The following EDNRB variants were observed in gnomAD, a reference collection of about 807,000 sequenced individuals.
EDNRB encodes Hirschsprung disease 2.
A neutral mutation model predicts 46.4 loss-of-function variants in EDNRB; 18 were observed. The observed-to-expected ratio is 0.39, with a 90% CI of 0.27 to 0.57. The LOEUF (loss-of-function observed/expected upper bound fraction) is 0.57, where lower values mean the gene tolerates loss of function less well. Ranked by LOEUF, EDNRB falls within the 20% of genes least tolerant of loss-of-function variation. The probability of loss-of-function intolerance (pLI) is 0.61; values close to 1 mark genes in which losing one functional copy is unlikely to be tolerated. For missense variants in EDNRB, 434 were observed against 537.5 expected (o/e 0.81, Z 1.90); for synonymous variants, 213 against 204.9 (o/e 1.04, Z -0.34).
intron 1 of EDNRB, among the ~76,000 whole-genome samples, chr13:77,972,310 C>A (rs1371776698): frequency 6.6e-6 from 1 of 152,200 alleles, no homozygotes; most frequent in African/African-American, 2.4e-5. Context: ...GTTTAACGTG[C>A]AGGCGGAATA....
chr13:77,897,300 T>A lies in EDNRB; in HGVS notation c.*900A>T, dbSNP rs1878681281. 1 of 985,114 alleles carries A rather than the reference T, an allele frequency of 1.0e-6. No homozygotes were observed. The highest frequency in any genetic ancestry group is 1.2e-6 in the Non-Finnish European group (1 of 829,862). The allele number at this position is 985,114 out of a possible 1,614,324, so 61.0% of individuals were successfully genotyped here. ...AAACCAAACAGAGTTTAAGCTACGA[T>A]AGTGAAAGAAGAAGATTTTAATAAT... is the stretch of plus-strand genomic sequence containing the variant. On this transcript the variant is annotated 3_prime_UTR_variant, in exon 7 of 7. Coordinates refer to ENST00000646607, the MANE Select transcript of EDNRB (RefSeq NM_001122659.3).
intron 1 of EDNRB, among the ~76,000 whole-genome samples, chr13:77,909,218 A>G (rs547589830): frequency 6.0e-4 from 91 of 152,216 alleles, no homozygotes; most frequent in African/African-American, 2.1e-3. Flanking sequence ...TGCTTGAGAA[A>G]GAAACAAGGC....
At chr13:77,949,785 A>G (rs560601517) in intron 1 of EDNRB, among the ~76,000 whole-genome samples, 2 of 152,204 alleles carry the variant, frequency 1.3e-5, no homozygotes, top group Non-Finnish European at 2.9e-5. Context: ...GTAATCCCAC[A>G]AAGCACAGGA....
chr13:77,948,074 C>G (rs1005174979), intron 1 of EDNRB, among the ~76,000 whole-genome samples: 5 of 152,036 alleles, frequency 3.3e-5, no homozygotes, highest in African/African-American at 1.2e-4. Flanking sequence ...CTTAATGGTG[C>G]CTTACAAGTC....
intron 1 of EDNRB, among the ~76,000 whole-genome samples, chr13:77,968,444 A>G (rs1308923440): frequency 6.6e-6 from 1 of 152,296 alleles, no homozygotes; most frequent in Non-Finnish European, 1.5e-5. Flanking sequence ...ATAAAATAAA[A>G]ATTTAGCAAA....
rs747813758 is a variant in EDNRB at position 77,898,251 on chromosome 13, A to G, written c.1278T>C (p.Asn426=). ...EKQSCLKFKA[N]DHGYDNFRSS... is the part of the protein sequence containing the mutation. ...AACGGAAGTTGTCATATCCGTGATC[A>G]TTAGCTTTGAACTTTAAGCACGACT... Residue 426 remains asparagine, a synonymous_variant, in exon 7 of 7, where the codon AAT becomes AAC. Transcript: ENST00000646607. The G allele has an allele frequency of 4.3e-6, 7 of 1,612,048 alleles. No individual in the cohort carries two copies. In the East Asian group the frequency reaches 1.3e-4, roughly 31 times the overall value.
chr13:77,919,080 C>T (rs181485871), upstream of EDNRB: 162 of 490,760 alleles, frequency 3.3e-4, no homozygotes, highest in African/African-American at 2.8e-3. Flanking sequence ...CGATTGAACT[C>T]GAAAGACTCC....
chr13:77,947,631 G>A (rs1880967687), intron 1 of EDNRB: 1 of 151,938 alleles, frequency 6.6e-6, no homozygotes, highest in African/African-American at 2.4e-5. Context: ...ATCTCCTGGG[G>A]GCTCACCATA....
At chr13:77,952,233 C>G (rs1881113252) in intron 1 of EDNRB, among the ~76,000 whole-genome samples, 1 of 152,112 alleles carries the variant, frequency 6.6e-6, no homozygotes, top group Non-Finnish European at 1.5e-5. Flanking sequence ...AATGCATCCA[C>G]CCTGGCTACA....
upstream of EDNRB, chr13:77,920,068 C>G (rs1442495389): frequency 6.3e-6 from 1 of 158,510 alleles, no homozygotes; most frequent in African/African-American, 2.4e-5. Context: ...CTCACTGCCC[C>G]GAGAGAGGAT....
chr13:77,945,065 A>AT (rs1880864359), intron 1 of EDNRB, among the ~76,000 whole-genome samples: 1 of 152,132 alleles, frequency 6.6e-6, no homozygotes, highest in Non-Finnish European at 1.5e-5. Context: ...TGTGAACTCA[A>AT]TGCCCTTTAT....
At chr13:77,971,445 G>A (rs1054265571) in intron 1 of EDNRB, among the ~76,000 whole-genome samples, 2 of 152,146 alleles carry the variant, frequency 1.3e-5, no homozygotes, top group South Asian at 2.1e-4. Context: ...TAGTTGTTTT[G>A]AGAGATAGGC....
intron 1 of EDNRB, among the ~76,000 whole-genome samples, chr13:77,931,281 T>C (rs145825598): frequency 3.9e-5 from 6 of 152,324 alleles, no homozygotes; most frequent in African/African-American, 1.4e-4. Flanking sequence ...AAATCTGCCT[T>C]TCCTTGCATT....
chr13:77,898,455 GCT>G, intron 6 of EDNRB, 121 bp from the exon 7 acceptor site: 3 of 1,381,460 alleles, frequency 2.2e-6, no homozygotes, highest in Admixed American at 4.4e-5. Context: ...TTCTTTCAGT[GCT>G]CTTTTATTTT....
Position 77,897,655 on chromosome 13 carries a change from G to C in EDNRB, c.*545C>G. The C allele has an allele frequency of 1.0e-6, 1 of 986,666 alleles. No individual in the cohort carries two copies. The highest frequency in any genetic ancestry group is 1.2e-6 in the Non-Finnish European group (1 of 830,992). The allele number at this position is 986,666 out of a possible 1,614,324, so 61.1% of individuals were successfully genotyped here. On this transcript the variant is annotated 3_prime_UTR_variant, in exon 7 of 7. Transcript: ENST00000646607. ...CCTCCTGATCATTTAAATGTTTCCA[G>C]TGTCCGAAAAATGCAACAACTAAAC...
intron 1 of EDNRB, among the ~76,000 whole-genome samples, chr13:77,927,116 G>C (rs560107595): frequency 6.6e-6 from 1 of 152,104 alleles, no homozygotes; most frequent in Non-Finnish European, 1.5e-5. Flanking sequence ...AACCATATCA[G>C]TATATAAGAT....
chr13:77,900,967 A>G, intron 4 of EDNRB, 91 bp downstream of exon 4: 1 of 1,486,500 alleles, frequency 6.7e-7, no homozygotes, highest in Non-Finnish European at 9.3e-7. Context: ...CTGGTATATA[A>G]TAATGTTAGT....
chr13:77,934,682 G>GGC (rs1880506173), intron 1 of EDNRB, among the ~76,000 whole-genome samples: 1 of 142,834 alleles, frequency 7.0e-6, no homozygotes. Flanking sequence ...GTAGGAAAGG[G>GGC]GGGGGGGGGC....
chr13:77,932,723 A>C (rs1479094570), intron 1 of EDNRB, among the ~76,000 whole-genome samples: 1 of 152,250 alleles, frequency 6.6e-6, no homozygotes, highest in Admixed American at 6.5e-5. Context: ...AAGGACTATA[A>C]ATAATCAAGA....
Sources: allele counts gnomAD v4.1 joint callset (sites outside exome capture counted in the v4.1 genomes callset), GRCh38; gene constraint gnomAD v4.1.1; transcripts MANE v1.5; gene names NCBI Gene and HGNC (gene_info 2026-07-23, HGNC 2026-07-21).